Variants in SASH1 observed in about 807,000 individuals in gnomAD.
SASH1 encodes SAM and SH3 domain-containing protein 1.
SASH1 carries 44 observed loss-of-function variants against 125.2 expected under a neutral mutation model. The ratio of observed to expected loss-of-function variants is 0.35; its 90% CI spans 0.28 to 0.45. The LOEUF is 0.45. Ranked by LOEUF, SASH1 falls within the 20% of genes least tolerant of loss-of-function variation. The pLI is 1.00. For missense variants in SASH1, 1,426 were observed against 1,614.5 expected (o/e 0.88, Z 2.00); for synonymous variants, 639 against 649.1 (o/e 0.98, Z 0.24).
At chr6:148,406,341 A>T (rs974530880) in intron 2 of SASH1, among the ~76,000 whole-genome samples, 4 of 134,248 alleles carry the variant, frequency 3.0e-5, no homozygotes, top group African/African-American at 7.6e-5. Context: ...TGCAAGAGAT[A>T]AAAAAAAAAG....
intron 1 of SASH1, among the ~76,000 whole-genome samples, chr6:148,280,018 C>CCA (rs1779293199): frequency 8.8e-6 from 1 of 113,384 alleles, no homozygotes; most frequent in Non-Finnish European, 1.8e-5. Flanking sequence ...CTGCAACACT[C>CCA]CCCCCTCCGA....
At position 148,540,572 on chromosome 6, in the gene SASH1, G is replaced by C. The variant is rs1254417499; in HGVS notation, c.2209+16G>C. ...CTGGAAAACGGTAATGTCAGCATGAGTCGCTGGGAACCTGCTTTGACAAGT... is the reference window on the plus strand; with the variant it reads ...CTGGAAAACGGTAATGTCAGCATGACTCGCTGGGAACCTGCTTTGACAAGT... On this transcript the variant is annotated intron_variant, in intron 17 of 19. Coordinates refer to ENST00000367467, the MANE Select transcript of SASH1 (RefSeq NM_015278.5). 1.3e-5 allele frequency: 21 copies of C among 1,588,880 alleles called. No individual in the cohort carries two copies. The highest frequency in any genetic ancestry group is 1.7e-5 in the Non-Finnish European group (20 of 1,158,436).
intron 4 of SASH1, among the ~76,000 whole-genome samples, chr6:148,452,255 G>A (rs1370127623): frequency 1.3e-5 from 2 of 152,232 alleles, no homozygotes; most frequent in African/African-American, 4.8e-5. Context: ...GCCTTAATCA[G>A]TAGAGGCTGA....
At chr6:148,380,963 G>A (rs964823688) in intron 1 of SASH1, among the ~76,000 whole-genome samples, 13 of 152,074 alleles carry the variant, frequency 8.5e-5, no homozygotes, top group African/African-American at 3.1e-4. Context: ...CACAACACTC[G>A]GAATATAGTA....
chr6:148,241,374 C>A, the SASH1 span, among the ~76,000 whole-genome samples: 1 of 152,166 alleles, frequency 6.6e-6, no homozygotes, highest in Non-Finnish European at 1.5e-5. Flanking sequence ...TGCCTCCAAG[C>A]AAGTGGGCAC....
At chr6:148,461,904 C>T (rs1470241524) in intron 4 of SASH1, among the ~76,000 whole-genome samples, 1 of 152,190 alleles carries the variant, frequency 6.6e-6, no homozygotes, top group East Asian at 1.9e-4. Context: ...GTACAGTTAT[C>T]CATACTTAAG....
the SASH1 span, among the ~76,000 whole-genome samples, chr6:148,252,471 T>C: frequency 6.6e-6 from 1 of 151,116 alleles, no homozygotes; most frequent in South Asian, 2.1e-4. Flanking sequence ...GTTGTTGTTT[T>C]GTGGTTTTTT....
the SASH1 span, among the ~76,000 whole-genome samples, chr6:148,206,698 G>A: frequency 6.6e-6 from 1 of 151,624 alleles, no homozygotes; most frequent in Non-Finnish European, 1.5e-5. Flanking sequence ...GCTGAGACAG[G>A]AGAATCGCTT....
At chr6:148,391,939 G>A (rs1334810637) in intron 2 of SASH1, among the ~76,000 whole-genome samples, 2 of 152,064 alleles carry the variant, frequency 1.3e-5, no homozygotes, top group Non-Finnish European at 1.5e-5. Flanking sequence ...CATATAGTGG[G>A]GGCTGCATGG....
At chr6:148,390,388 G>C (rs1783652524) in intron 2 of SASH1, 126 bp downstream of exon 2, 1 of 920,506 alleles carries the variant, frequency 1.1e-6, no homozygotes, top group African/African-American at 1.7e-5. Flanking sequence ...CACTAGTGTG[G>C]GGTAGAATGT....
chr6:148,491,000 T>C (rs1779085299), intron 8 of SASH1, among the ~76,000 whole-genome samples: 1 of 152,232 alleles, frequency 6.6e-6, no homozygotes, highest in Non-Finnish European at 1.5e-5. Context: ...TCTGAGTTTT[T>C]CAAGGTGGAG....
intron 7 of SASH1, among the ~76,000 whole-genome samples, chr6:148,474,592 G>C (rs1365878174): frequency 6.6e-6 from 1 of 152,032 alleles, no homozygotes; most frequent in Non-Finnish European, 1.5e-5. Context: ...GTTTTTTTGA[G>C]ATAGGGTCTC....
chr6:148,290,414 G>A lies in SASH1; in HGVS notation n.74+18037G>A, dbSNP rs192359696. Among the ~76,000 whole-genome samples, 297 of 151,576 alleles carry A rather than the reference G, an allele frequency of 2.0e-3. 2 individuals carry two copies. The East Asian group carries it at 0.026, about 13-fold the overall frequency. ...GAGGTCAGGAGATCGAGACCATCCT[G>A]GCTAACAGAGTGAAACCCCGTCTCT... On this transcript the variant is annotated intron_variant and non_coding_transcript_variant, in intron 1 of 3. Coordinates refer to the SASH1 transcript ENST00000367469.
the SASH1 span, among the ~76,000 whole-genome samples, chr6:148,249,696 A>G: frequency 6.6e-6 from 1 of 152,234 alleles, no homozygotes; most frequent in Non-Finnish European, 1.5e-5. Context: ...ATTACATGCC[A>G]GGCACTGTTC....
At chr6:148,447,854 G>T (rs1186942661) in intron 4 of SASH1, among the ~76,000 whole-genome samples, 1 of 152,036 alleles carries the variant, frequency 6.6e-6, no homozygotes, top group African/African-American at 2.4e-5. Flanking sequence ...CAGTTTCTCA[G>T]ACAGGCCCTA....
intron 1 of SASH1, among the ~76,000 whole-genome samples, chr6:148,346,351 T>C (rs1781518914): frequency 6.6e-6 from 1 of 152,172 alleles, no homozygotes; most frequent in South Asian, 2.1e-4. Context: ...TTTCAGATAA[T>C]TGTTAACAAA....
upstream of SASH1, among the ~76,000 whole-genome samples, chr6:148,339,004 T>TAAA (rs760321688): frequency 1.3e-3 from 116 of 88,148 alleles, no homozygotes; most frequent in Middle Eastern, 7.0e-3. Context: ...ACTCTGTCTT[T>TAAA]AAAAAAAAAA....
chr6:148,543,041 T>C (rs1254354125), intron 17 of SASH1, among the ~76,000 whole-genome samples: 2 of 152,202 alleles, frequency 1.3e-5, no homozygotes, highest in African/African-American at 2.4e-5. Flanking sequence ...CAGTTATCAG[T>C]CTGGCAGTTG....
chr6:148,232,156 C>T, the SASH1 span, among the ~76,000 whole-genome samples: 1 of 152,070 alleles, frequency 6.6e-6, no homozygotes, highest in Non-Finnish European at 1.5e-5. Context: ...TGAAAGATCA[C>T]ATCAAGGAAA....
Sources: gnomAD v4.1 joint callset for allele counts (sites outside exome capture counted in the v4.1 genomes callset) on GRCh38, gnomAD v4.1.1 for gene constraint, MANE v1.5 for transcripts, NCBI Gene and HGNC (gene_info 2026-07-23, HGNC 2026-07-21) for gene names.